The following NAT10 variants were observed in gnomAD, a reference collection of about 807,000 sequenced individuals.
NAT10 encodes the protein RNA cytidine acetyltransferase.
A neutral mutation model predicts 132.2 loss-of-function variants in NAT10; 109 were observed. The ratio of observed to expected loss-of-function variants is 0.82; its 90% CI spans 0.71 to 0.97. The LOEUF is 0.97. Ranked by LOEUF, NAT10 falls within the 50% of genes least tolerant of loss-of-function variation. The probability of loss-of-function intolerance (pLI) is 0.00; values close to 1 mark genes in which losing one functional copy is unlikely to be tolerated. For synonymous variants in NAT10, 479 were observed against 478.0 expected (o/e 1.00, Z -0.03); for missense variants, 1,184 against 1,263.4 (o/e 0.94, Z 0.95).
At chr11:34,107,059 TCTCA>T (rs1297525476) in intron 1 of NAT10, 2 of 123,490 alleles carry the variant, frequency 1.6e-5, no homozygotes, top group Non-Finnish European at 3.2e-5. Context: ...TGAGACGGAG[TCTCA>T]CTCTGTCGCC....
intron 6 of NAT10, 64 bp downstream of exon 6, chr11:34,115,948 C>G (rs1851776643): frequency 1.9e-6 from 3 of 1,544,248 alleles, no homozygotes; most frequent in Admixed American, 1.8e-5. Flanking sequence ...TTATCTTGGA[C>G]TCAACTGAAA....
At chr11:34,128,215 C>G (rs1852035547) in intron 12 of NAT10, among the ~76,000 whole-genome samples, 1 of 151,860 alleles carries the variant, frequency 6.6e-6, no homozygotes, top group South Asian at 2.1e-4. Flanking sequence ...TTAGCTGGGT[C>G]TGGTGGCGCG....
chr11:34,119,045 TG>T (rs1565109842), intron 8 of NAT10, among the ~76,000 whole-genome samples: 1 of 152,240 alleles, frequency 6.6e-6, no homozygotes, highest in African/African-American at 2.4e-5. Flanking sequence ...GAGGAGAACT[TG>T]AGGCCCCTAG....
rs1851819911 is a variant in NAT10 at position 34,118,286 on chromosome 11, C to G, written c.664C>G (p.Gln222Glu). 6.2e-7 allele frequency: 1 copy of G among 1,613,534 alleles called. No homozygotes were observed. Among genetic ancestry groups the G allele is most frequent in the African/African-American group, 1.3e-5 (1 of 74,904 alleles). The stretch of plus-strand genomic sequence containing the variant: ...TGCCACCATGGAGGCCCTGCCTCCC[C>G]AGACTCCGGTGAGTCTGTGCTGGGG... ...HVATMEALPP[Q>E]TPDESLGPSD... Residue 222 changes from glutamine to glutamate, a missense_variant, in exon 7 of 29, where the codon CAG (glutamine) becomes GAG (glutamate). By Grantham distance (29) the Gln-to-Glu change is conservative. Transcript: ENST00000257829.
chr11:34,141,659 G>T, intron 25 of NAT10, 60 bp from the exon 26 acceptor site: 1 of 1,485,414 alleles, frequency 6.7e-7, no homozygotes, highest in Non-Finnish European at 9.4e-7. Flanking sequence ...TCTGGGTCAC[G>T]GGTGACTGGG....
At position 34,136,629 on chromosome 11, in the gene NAT10, G is replaced by C; in HGVS notation, c.2029-13G>C. On this transcript the variant is annotated splice_polypyrimidine_tract_variant and intron_variant, in intron 19 of 28. Transcript: ENST00000257829. Reference sequence around the variant, plus strand: ...GCTGAATGGACTGTGTTCTCTCCTTGGCATCTTCCCAGGCTGTCAGCTTGT... The same window carrying C: ...GCTGAATGGACTGTGTTCTCTCCTTCGCATCTTCCCAGGCTGTCAGCTTGT... 6.2e-7 allele frequency: 1 copy of C among 1,614,058 alleles called. No homozygotes were observed. The highest frequency in any genetic ancestry group is 8.5e-7 in the Non-Finnish European group (1 of 1,180,012).
rs772024616 is a variant in NAT10, at chr11:34,135,249, G to A, written c.1986G>A (p.Lys662=). 5 of 1,614,142 alleles carry A rather than the reference G, an allele frequency of 3.1e-6. No individual in the cohort carries two copies. The highest frequency in any genetic ancestry group is 2.7e-5 in the African/African-American group (2 of 75,020). The stretch of plus-strand genomic sequence containing the variant: ...GCAGGTTTCCTTGTCTGGAGGAAAA[G>A]GTCCTTGAGACACCACAGGAAATTC... ...YEGRFPCLEE[K]VLETPQEIHT... is the part of the protein sequence containing the mutation. The change falls in exon 19 of 29, where the codon AAG becomes AAA. Residue 662 remains lysine, a synonymous_variant. Coordinates refer to ENST00000257829, the MANE Select transcript of NAT10 (RefSeq NM_024662.3).
At position 34,124,311 on chromosome 11, in the gene NAT10, G is replaced by T; in HGVS notation, c.1018G>T (p.Asp340Tyr). ...TTTGACTCCCCACCAGGAACATCTG[G>T]ATTATGAGATTATCCAGTCTCTAAA... ...FDALQYQEHL[D>Y]YEIIQSLNPE... Residue 340 changes from aspartate (D) to tyrosine (Y), a missense_variant, in exon 11 of 29, where the codon GAT (aspartate) becomes TAT (tyrosine). By Grantham distance (160) the Asp-to-Tyr change is radical (BLOSUM62 -3). Coordinates refer to ENST00000257829, the MANE Select transcript of NAT10 (RefSeq NM_024662.3). The T allele has an allele frequency of 1.2e-6, 2 of 1,611,532 alleles. No homozygotes were observed. The highest frequency in any genetic ancestry group is 1.7e-6 in the Non-Finnish European group (2 of 1,178,624).
At position 34,108,341 on chromosome 11, in the gene NAT10, C is replaced by A; in HGVS notation, c.108+8C>A. On this transcript the variant is annotated splice_region_variant and intron_variant, in intron 2 of 28. Coordinates refer to ENST00000257829, the MANE Select transcript of NAT10 (RefSeq NM_024662.3). ...GATCGAGGAAAAGATCAGGTATGGCCTGGTAAATGCTTCCTGAATTACTTT... is the reference window on the plus strand; with the variant it reads ...GATCGAGGAAAAGATCAGGTATGGCATGGTAAATGCTTCCTGAATTACTTT... 7 of 1,593,472 alleles carry A rather than the reference C, an allele frequency of 4.4e-6. No individual in the cohort carries two copies. In the Middle Eastern group the frequency reaches 1.0e-3, roughly 227 times the overall value.
intron 4 of NAT10, among the ~76,000 whole-genome samples, chr11:34,113,002 C>T (rs1414835886): frequency 1.3e-5 from 2 of 152,226 alleles, no homozygotes; most frequent in African/African-American, 4.8e-5. Flanking sequence ...GGGTTGTCTC[C>T]TATACTGCTG....
At chr11:34,106,921 A>G (rs888919226) in intron 1 of NAT10, 1 of 152,000 alleles carries the variant, frequency 6.6e-6, no homozygotes, top group Admixed American at 6.5e-5. Flanking sequence ...TCTAAGTAGC[A>G]TGTCACTTTT....
In NAT10 at chr11:34,146,343, C is replaced by G. The variant is rs186790105; in HGVS notation, c.*151C>G. ...GCCTCTGGGCCTGTGTGTCTGTGAGCTCAACCTGGCTAAAGGCAGAGTCAC... is the reference window on the plus strand; with the variant it reads ...GCCTCTGGGCCTGTGTGTCTGTGAGGTCAACCTGGCTAAAGGCAGAGTCAC... On this transcript the variant is annotated 3_prime_UTR_variant, in exon 29 of 29. Coordinates refer to ENST00000257829, the MANE Select transcript of NAT10 (RefSeq NM_024662.3). 2 of 585,286 alleles carry G rather than the reference C, an allele frequency of 3.4e-6. No individual in the cohort carries two copies. Among genetic ancestry groups the G allele is most frequent in the East Asian group, 5.8e-5 (2 of 34,236 alleles). The allele number at this position is 585,286 out of a possible 1,614,324, so 36.3% of individuals were successfully genotyped here. A position where few individuals can be genotyped will look rare whatever the true frequency, so the allele number is the denominator to read the frequency against.
Position 34,136,768 on chromosome 11 carries a change from C to A in NAT10, c.2155C>A (p.Leu719Ile). 14 of 1,614,194 alleles carry A rather than the reference C, an allele frequency of 8.7e-6. No homozygotes were observed. The highest frequency in any genetic ancestry group is 1.2e-5 in the Non-Finnish European group (14 of 1,180,038). ...TGTTTCCTATGGCTTGACCCCCAGG[C>A]TCCTCAAGTAAGTGCCTGCCCTCCT... Reference protein sequence around the residue: ...LGVSYGLTPRLLKFWKRAGFV... With the variant: ...LGVSYGLTPRILKFWKRAGFV... Residue 719 changes from leucine to isoleucine, a missense_variant, in exon 20 of 29, where the codon CTC (leucine) becomes ATC (isoleucine). By Grantham distance (5) the Leu-to-Ile change is conservative. Coordinates refer to ENST00000257829, the MANE Select transcript of NAT10 (RefSeq NM_024662.3).
Position 34,132,072 on chromosome 11 carries a change from A to G in NAT10, c.1521-53A>G, listed in dbSNP as rs1852116168. ...ATTTGTTCTGCCTCCAGAGAGTAGT[A>G]TGACCTGTCTTCGGCTATTTGTTTT... On this transcript the variant is annotated intron_variant, in intron 14 of 28. Transcript: ENST00000257829. 3.0e-6 allele frequency: 4 copies of G among 1,336,554 alleles called. No individual in the cohort carries two copies. In the South Asian group the frequency reaches 3.5e-5, roughly 12 times the overall value. The allele number at this position is 1,336,554 out of a possible 1,614,324, so 82.8% of individuals were successfully genotyped here.
intron 19 of NAT10, among the ~76,000 whole-genome samples, chr11:34,135,847 C>G (rs1852200384): frequency 6.8e-6 from 1 of 146,080 alleles, no homozygotes; most frequent in African/African-American, 2.6e-5. Context: ...CCTGTAGTCC[C>G]AGCTACTTGG....
At chr11:34,124,786 C>G (rs1467283414) in intron 11 of NAT10, among the ~76,000 whole-genome samples, 1 of 152,204 alleles carries the variant, frequency 6.6e-6, no homozygotes, top group East Asian at 1.9e-4. Flanking sequence ...AAAAAAAGAA[C>G]TTTGCAAAAT....
At chr11:34,113,572 G>C in intron 4 of NAT10, 144 bp from the exon 5 acceptor site, 1 of 1,018,682 alleles carries the variant, frequency 9.8e-7, no homozygotes, top group Non-Finnish European at 1.4e-6. Context: ...GGAGGCTCAG[G>C]TGGGTGGTGA....
At position 34,133,028 on chromosome 11, in the gene NAT10, C is replaced by T. The variant is rs767259219; in HGVS notation, c.1620C>T (p.Asn540=). The change falls in exon 16 of 29, where the codon AAC becomes AAT. Residue 540 remains asparagine (N), a splice_region_variant and synonymous_variant. Coordinates refer to ENST00000257829, the MANE Select transcript of NAT10 (RefSeq NM_024662.3). ...MALYVASHYK[N]SPNDLQMLSD... is the part of the protein sequence containing the mutation. Reference sequence around the variant, plus strand: ...TGACCCGTGTTTGGCTTCCACAGAACTCTCCCAATGATCTCCAGATGCTCT... The same window carrying T: ...TGACCCGTGTTTGGCTTCCACAGAATTCTCCCAATGATCTCCAGATGCTCT... 2.0e-5 allele frequency: 33 copies of T among 1,613,520 alleles called. No individual in the cohort carries two copies. The highest frequency in any genetic ancestry group is 5.9e-6 in the Non-Finnish European group (7 of 1,179,588).
At chr11:34,114,609 C>T (rs537991940) in intron 5 of NAT10, among the ~76,000 whole-genome samples, 30 of 152,344 alleles carry the variant, frequency 2.0e-4, no homozygotes, top group African/African-American at 7.2e-4. Context: ...GCACACACTC[C>T]TGCGAGGGCC....
Sources: gnomAD v4.1 joint callset for allele counts (sites outside exome capture counted in the v4.1 genomes callset) on GRCh38, gnomAD v4.1.1 for gene constraint, MANE v1.5 for transcripts, NCBI Gene and HGNC (gene_info 2026-07-23, HGNC 2026-07-21) for gene names.